The following PDPR variants were observed in gnomAD, a reference collection of about 807,000 sequenced individuals.
The protein encoded by PDPR is pyruvate dehydrogenase phosphatase regulatory subunit, mitochondrial.
In PDPR, 50 loss-of-function variants were observed where a neutral mutation model predicts 102.2. That is an observed-to-expected ratio of 0.49 (90% CI 0.39 to 0.62). PDPR has a LOEUF of 0.62. PDPR is among the 20% of genes least tolerant of loss of function. The pLI, the probability that PDPR is intolerant of heterozygous loss-of-function variation, is 0.00. For synonymous variants in PDPR, 259 were observed against 406.0 expected (o/e 0.64, Z 4.35); for missense variants, 625 against 1,098.2 (o/e 0.57, Z 6.09).
intron 2 of PDPR, among the ~76,000 whole-genome samples, chr16:70,117,324 C>G (rs1257114677): frequency 7.4e-6 from 1 of 135,034 alleles, no homozygotes; most frequent in African/African-American, 2.8e-5. Context: ...ACCATCCTGG[C>G]TAACATGGTG....
chr16:70,122,925 G>A lies in PDPR; in HGVS notation c.227+2206G>A, dbSNP rs1454191192. ...AGTGGATAGTTTTTTTTTTGAGACA[G>A]AGTCTTGCTTTGTCACCCAGGCTGG... On this transcript the variant is annotated intron_variant, in intron 3 of 18. Transcript: ENST00000288050. Among the ~76,000 whole-genome samples the A allele has an allele frequency of 1.1e-4, 17 of 152,082 alleles. 1 individual carries two copies. Among genetic ancestry groups the A allele is most frequent in the Non-Finnish European group, 1.9e-4 (13 of 68,018 alleles).
At chr16:70,123,127 C>T (rs1397595256) in intron 3 of PDPR, among the ~76,000 whole-genome samples, 1 of 152,182 alleles carries the variant, frequency 6.6e-6, no homozygotes, top group African/African-American at 2.4e-5. Context: ...GTCTTGAACT[C>T]CTGACCTCAG....
chr16:70,149,831 C>T (rs1279989296), intron 17 of PDPR, among the ~76,000 whole-genome samples: 1 of 152,272 alleles, frequency 6.6e-6, no homozygotes, highest in Non-Finnish European at 1.5e-5. Flanking sequence ...CACTCTGTCG[C>T]CCAGGCTGGA....
rs924409311 is a variant in PDPR at position 70,117,255 on chromosome 16, C to G, written c.-33+2325C>G. On this transcript the variant is annotated intron_variant, in intron 2 of 18. Transcript: ENST00000288050. ...ATTTGCCGGTCACAGTGGCTCATGC[C>G]TGTAATCCCAGCACTTTGGGAGGCC... is the stretch of plus-strand genomic sequence containing the variant. Among the ~76,000 whole-genome samples the G allele has an allele frequency of 4.0e-5, 5 of 126,294 alleles. 1 individual carries two copies. Among genetic ancestry groups the G allele is most frequent in the African/African-American group, 1.5e-4 (5 of 34,222 alleles). The allele number at this position is 126,294 out of a possible 152,430, so 82.9% of individuals were successfully genotyped here. A position where few individuals can be genotyped will look rare whatever the true frequency, so the allele number is the denominator to read the frequency against.
intron 8 of PDPR, 174 bp downstream of exon 8, chr16:70,131,593 G>A (rs558192943): frequency 3.5e-3 from 3,060 of 866,246 alleles, no homozygotes; most frequent in Non-Finnish European, 4.0e-3. Flanking sequence ...TTTATGAAAG[G>A]ATGGCCAAAA....
At chr16:70,118,384 C>T (rs1962872402) in intron 2 of PDPR, among the ~76,000 whole-genome samples, 3 of 152,250 alleles carry the variant, frequency 2.0e-5, no homozygotes, top group African/African-American at 7.2e-5. Context: ...AGAGGAATAG[C>T]TGGGCTCTGA....
At chr16:70,155,051 G>A (rs1433351489) in intron 18 of PDPR, among the ~76,000 whole-genome samples, 4 of 152,160 alleles carry the variant, frequency 2.6e-5, no homozygotes, top group African/African-American at 9.6e-5. Flanking sequence ...AATTAGCTGG[G>A]CATGGTGGCA....
chr16:70,119,774 G>A (rs1963024435), intron 2 of PDPR, among the ~76,000 whole-genome samples: 2 of 132,004 alleles, frequency 1.5e-5, no homozygotes, highest in Non-Finnish European at 3.5e-5. Context: ...TATATTGATT[G>A]GTGTTCTCCT....
At chr16:70,118,878 T>TG (rs1403474460) in intron 2 of PDPR, among the ~76,000 whole-genome samples, 1 of 152,150 alleles carries the variant, frequency 6.6e-6, no homozygotes, top group Admixed American at 6.6e-5. Context: ...AGTCTGTGCT[T>TG]GCATTGGTTG....
chr16:70,154,700 T>C (rs1018070361), intron 18 of PDPR, among the ~76,000 whole-genome samples: 3 of 152,232 alleles, frequency 2.0e-5, no homozygotes, highest in African/African-American at 7.2e-5. Flanking sequence ...TGGAGTGCAG[T>C]GGCGCGATGT....
chr16:70,131,484 A>G (rs1250299176), intron 8 of PDPR, 65 bp downstream of exon 8: 5 of 1,429,862 alleles, frequency 3.5e-6, no homozygotes, highest in Admixed American at 2.0e-5. Context: ...CTGAAAAGGA[A>G]AACTTTCTGC....
chr16:70,122,891 A>G (rs1244287721), intron 3 of PDPR, among the ~76,000 whole-genome samples: 23 of 138,392 alleles, frequency 1.7e-4, no homozygotes, highest in Non-Finnish European at 2.9e-4. Flanking sequence ...ATGGATTTCT[A>G]TTTTATGCAG....
At chr16:70,138,379 G>A (rs113296882) in intron 10 of PDPR, among the ~76,000 whole-genome samples, 13 of 152,156 alleles carry the variant, frequency 8.5e-5, no homozygotes, top group East Asian at 1.9e-4. Flanking sequence ...CCACCACACT[G>A]GCTAATTTTG....
At chr16:70,153,976 G>A (rs1966865362) in intron 18 of PDPR, among the ~76,000 whole-genome samples, 2 of 152,368 alleles carry the variant, frequency 1.3e-5, no homozygotes, top group African/African-American at 2.4e-5. Flanking sequence ...TCAGGAGATC[G>A]AGATCATCCT....
intron 18 of PDPR, 34 bp from the exon 19 acceptor site, chr16:70,156,441 C>T (rs754207086): frequency 1.1e-5 from 17 of 1,607,128 alleles, no homozygotes; most frequent in South Asian, 1.0e-4. Flanking sequence ...GTCTGAGTGT[C>T]GCTGGATGAC....
chr16:70,130,240 A>G (rs1264645585), intron 6 of PDPR, among the ~76,000 whole-genome samples, 183 bp from the exon 7 acceptor site: 3 of 152,270 alleles, frequency 2.0e-5, no homozygotes, highest in Admixed American at 6.5e-5. Context: ...GCGAGCCAAG[A>G]TCGCACGACT....
At chr16:70,151,030 G>A (rs888127237) in intron 17 of PDPR, among the ~76,000 whole-genome samples, 1 of 152,234 alleles carries the variant, frequency 6.6e-6, no homozygotes, top group Non-Finnish European at 1.5e-5. Flanking sequence ...CACCTCCTGG[G>A]TTCAAGCGAT....
chr16:70,130,776 G>C (rs1324320790), intron 7 of PDPR, among the ~76,000 whole-genome samples: 1 of 152,280 alleles, frequency 6.6e-6, no homozygotes, highest in Non-Finnish European at 1.5e-5. Flanking sequence ...AGGAAGGCCA[G>C]CAAATGGTCA....
At chr16:70,122,969 C>T (rs1309530523) in intron 3 of PDPR, among the ~76,000 whole-genome samples, 3 of 152,198 alleles carry the variant, frequency 2.0e-5, no homozygotes, top group Non-Finnish European at 2.9e-5. Flanking sequence ...GACGTGATCT[C>T]GGCTCACTGC....
Sources: allele counts gnomAD v4.1 joint callset (sites outside exome capture counted in the v4.1 genomes callset), GRCh38; gene constraint gnomAD v4.1.1; transcripts MANE v1.5; gene names NCBI Gene and HGNC (gene_info 2026-07-23, HGNC 2026-07-21).